Variants in RORA observed in about 807,000 individuals in gnomAD.
RORA encodes RAR related orphan receptor A, also known as nuclear receptor ROR-alpha.
A neutral mutation model predicts 69.5 loss-of-function variants in RORA; 7 were observed. That is an observed-to-expected ratio of 0.10 (90% confidence interval 0.06 to 0.19). RORA has a LOEUF of 0.19. Among genes scored for constraint, RORA ranks in the 10% least tolerant of loss-of-function variants. The pLI is 1.00. For missense variants in RORA, 457 were observed against 663.0 expected (o/e 0.69, Z 3.41); for synonymous variants, 261 against 240.8 (o/e 1.08, Z -0.78).
intron 1 of RORA, among the ~76,000 whole-genome samples, chr15:61,062,511 A>C (rs1393548645): frequency 1.3e-5 from 2 of 152,150 alleles, no homozygotes; most frequent in Non-Finnish European, 2.9e-5. Flanking sequence ...GGGAGTGTTG[A>C]GAGACAGGAG....
intron 1 of RORA, among the ~76,000 whole-genome samples, chr15:60,872,801 C>T (rs1255814152): frequency 6.6e-6 from 1 of 150,658 alleles, no homozygotes; most frequent in Non-Finnish European, 1.5e-5. Context: ...TTCACATCTG[C>T]CCCCCTGGCT....
chr15:60,504,313 G>A (rs764577322), intron 6 of RORA, among the ~76,000 whole-genome samples: 3 of 151,844 alleles, frequency 2.0e-5, no homozygotes, highest in Non-Finnish European at 4.4e-5. Context: ...TTGGGAGGCC[G>A]AGGCAGGGGG....
At chr15:61,137,463 T>C (rs555988256) in intron 1 of RORA, among the ~76,000 whole-genome samples, 54 of 152,348 alleles carry the variant, frequency 3.5e-4, no homozygotes, top group African/African-American at 1.3e-3. Flanking sequence ...ATTAGTATAA[T>C]GCACACACTT....
chr15:61,173,387 T>G (rs1234848095), intron 1 of RORA, among the ~76,000 whole-genome samples: 1 of 152,224 alleles, frequency 6.6e-6, no homozygotes, highest in Non-Finnish European at 1.5e-5. Context: ...AGAAAACTGT[T>G]TAAACTATTT....
intron 10 of RORA, among the ~76,000 whole-genome samples, chr15:60,498,899 A>G (rs2065245730): frequency 6.6e-6 from 1 of 152,026 alleles, no homozygotes; most frequent in Non-Finnish European, 1.5e-5. Context: ...ACAAGAAAAC[A>G]AAACCAAAAA....
At chr15:60,710,292 C>T (rs776658977) in intron 1 of RORA, among the ~76,000 whole-genome samples, 11 of 152,054 alleles carry the variant, frequency 7.2e-5, no homozygotes, top group Non-Finnish European at 1.5e-4. Flanking sequence ...AGTTCGAGAC[C>T]AGCCTGACCA....
At chr15:61,031,410 T>C (rs1346783455) in intron 1 of RORA, among the ~76,000 whole-genome samples, 1 of 152,204 alleles carries the variant, frequency 6.6e-6, no homozygotes, top group Non-Finnish European at 1.5e-5. Flanking sequence ...GTGGTAACAC[T>C]CTTGGTCTGG....
intron 1 of RORA, among the ~76,000 whole-genome samples, chr15:61,203,075 A>G (rs1251735052): frequency 6.6e-6 from 1 of 152,228 alleles, no homozygotes; most frequent in African/African-American, 2.4e-5. Flanking sequence ...TAAAACAAGC[A>G]AGTCTGAATA....
chr15:60,550,438 T>C (rs1254346045), intron 2 of RORA, among the ~76,000 whole-genome samples: 2 of 152,230 alleles, frequency 1.3e-5, no homozygotes, highest in African/African-American at 2.4e-5. Context: ...AATTTATAAT[T>C]TATGCGTCAA....
chr15:61,042,808 C>A (rs760719471), intron 1 of RORA, among the ~76,000 whole-genome samples: 1 of 152,210 alleles, frequency 6.6e-6, no homozygotes, highest in Non-Finnish European at 1.5e-5. Context: ...TGGAGAAATT[C>A]AAACTTGCAG....
At chr15:60,929,821 C>G (rs1020628191) in intron 1 of RORA, among the ~76,000 whole-genome samples, 3 of 152,288 alleles carry the variant, frequency 2.0e-5, no homozygotes, top group African/African-American at 7.2e-5. Flanking sequence ...GGCCTCCCCT[C>G]CAGCCCCCAG....
At position 61,066,047 on chromosome 15, in the gene RORA, C is replaced by T. The variant is rs28454945; in HGVS notation, c.166+163006G>A. On this transcript the variant is annotated intron_variant, in intron 1 of 10. Coordinates refer to ENST00000335670, the MANE Select transcript of RORA (RefSeq NM_134261.3). ...TAGGGTTTGGGCCTTTTACTTATGTCTATTTGTCTGAGAAATTTACTAATG... is the reference window on the plus strand; with the variant it reads ...TAGGGTTTGGGCCTTTTACTTATGTTTATTTGTCTGAGAAATTTACTAATG... 7.3e-3 allele frequency among the ~76,000 whole-genome samples: 1,105 copies of T among 152,266 alleles called. 15 individuals carry two copies. The highest frequency in any genetic ancestry group is 0.026 in the African/African-American group (1,063 of 41,548).
At chr15:60,942,642 G>C (rs1892735163) in intron 1 of RORA, among the ~76,000 whole-genome samples, 2 of 152,184 alleles carry the variant, frequency 1.3e-5, no homozygotes, top group Non-Finnish European at 1.5e-5. Context: ...TTAGAGATTG[G>C]CTGTTAGAAT....
At chr15:61,034,788 C>CAAAAAAAAAAAAAAAAAAAA (rs33933996) in intron 1 of RORA, among the ~76,000 whole-genome samples, 1 of 83,008 alleles carries the variant, frequency 1.2e-5, no homozygotes, top group Non-Finnish European at 2.4e-5. Flanking sequence ...CATCACAGAC[C>CAAAAAAAAAAAAAAAAAAAA]AAAAAAAAAA....
chr15:60,610,076 T>C (rs1486364076), intron 2 of RORA, among the ~76,000 whole-genome samples: 4 of 151,878 alleles, frequency 2.6e-5, no homozygotes, highest in Non-Finnish European at 5.9e-5. Flanking sequence ...TGCCATCAAA[T>C]AGAACAGAAG....
At chr15:60,611,983 T>C (rs1445561774) in intron 2 of RORA, among the ~76,000 whole-genome samples, 1 of 152,212 alleles carries the variant, frequency 6.6e-6, no homozygotes, top group Non-Finnish European at 1.5e-5. Context: ...ATCCTAGTCC[T>C]ACCAGCCAAT....
At chr15:61,040,878 A>C (rs1489278060) in intron 1 of RORA, among the ~76,000 whole-genome samples, 1 of 152,220 alleles carries the variant, frequency 6.6e-6, no homozygotes, top group African/African-American at 2.4e-5. Flanking sequence ...ACTCTTGGTT[A>C]GGTGTTGTTG....
chr15:60,984,496 G>C (rs1478271932), intron 1 of RORA, among the ~76,000 whole-genome samples: 1 of 151,720 alleles, frequency 6.6e-6, no homozygotes, highest in African/African-American at 2.4e-5. Flanking sequence ...TTATTGGAGA[G>C]AGTGGGGGAA....
intron 1 of RORA, among the ~76,000 whole-genome samples, chr15:61,123,423 C>T (rs1289822204): frequency 6.6e-6 from 1 of 152,126 alleles, no homozygotes; most frequent in Non-Finnish European, 1.5e-5. Flanking sequence ...TGTTCCCTGC[C>T]CTGGGCTAAA....
Sources: gnomAD v4.1 joint callset for allele counts (sites outside exome capture counted in the v4.1 genomes callset) on GRCh38, gnomAD v4.1.1 for gene constraint, MANE v1.5 for transcripts, NCBI Gene and HGNC (gene_info 2026-07-23, HGNC 2026-07-21) for gene names.